Variants in MACROD2 observed in about 807,000 individuals in gnomAD.
The protein encoded by MACROD2 is mono-ADP ribosylhydrolase 2.
In MACROD2, 36 loss-of-function variants were observed where a neutral mutation model predicts 70.4. That is an observed-to-expected ratio of 0.51 (90% CI 0.39 to 0.68). MACROD2 has a LOEUF of 0.68. Ranked by LOEUF, MACROD2 falls within the 30% of genes least tolerant of loss-of-function variation. The probability of loss-of-function intolerance (pLI) is 0.00; values close to 1 mark genes in which losing one functional copy is unlikely to be tolerated. For synonymous variants in MACROD2, 172 were observed against 178.8 expected (o/e 0.96, Z 0.30); for missense variants, 496 against 538.4 (o/e 0.92, Z 0.78).
At chr20:15,057,030 A>G (rs1232577036) in intron 5 of MACROD2, among the ~76,000 whole-genome samples, 1 of 152,222 alleles carries the variant, frequency 6.6e-6, no homozygotes, top group Non-Finnish European at 1.5e-5. Flanking sequence ...TTGTCTCTGG[A>G]GAATTAAATG....
At chr20:14,652,076 A>G (rs1285078466) in intron 4 of MACROD2, among the ~76,000 whole-genome samples, 1 of 152,160 alleles carries the variant, frequency 6.6e-6, no homozygotes, top group African/African-American at 2.4e-5. Flanking sequence ...GAGATACCCA[A>G]CTAGGGTAGG....
chr20:15,920,235 G>T (rs534226581), intron 10 of MACROD2, among the ~76,000 whole-genome samples: 1 of 152,130 alleles, frequency 6.6e-6, no homozygotes, highest in African/African-American at 2.4e-5. Context: ...GAGATGACGG[G>T]GGTTAGAGTT....
chr20:15,262,181 T>A (rs1273450059), intron 6 of MACROD2, among the ~76,000 whole-genome samples: 1 of 151,880 alleles, frequency 6.6e-6, no homozygotes, highest in African/African-American at 2.4e-5. Flanking sequence ...CCATTAACCA[T>A]CCACACTTCC....
intron 5 of MACROD2, among the ~76,000 whole-genome samples, chr20:15,142,008 A>T (rs1471867091): frequency 1.3e-5 from 2 of 152,174 alleles, no homozygotes; most frequent in Non-Finnish European, 2.9e-5. Flanking sequence ...AGCATTGGCC[A>T]GTTCTCATAA....
At chr20:14,051,765 G>C (rs1469406275) in intron 2 of MACROD2, 1 of 448,226 alleles carries the variant, frequency 2.2e-6, no homozygotes, top group African/African-American at 2.0e-5. Flanking sequence ...GAATTGATTA[G>C]TATCAGAATA....
intron 2 of MACROD2, among the ~76,000 whole-genome samples, chr20:14,041,419 A>T (rs1016116676): frequency 2.0e-5 from 3 of 152,200 alleles, no homozygotes; most frequent in African/African-American, 7.2e-5. Context: ...CATTTTGAGG[A>T]CATAATTTCT....
intron 2 of MACROD2, among the ~76,000 whole-genome samples, chr20:14,082,354 A>AT (rs199540255): frequency 0.051 from 4,530 of 88,186 alleles, 134 homozygotes; most frequent in African/African-American, 0.12. Context: ...AATTTTTTGT[A>AT]TTTTTTTTTT....
chr20:15,098,160 G>C (rs1248605323), intron 5 of MACROD2, among the ~76,000 whole-genome samples: 1 of 152,128 alleles, frequency 6.6e-6, no homozygotes, highest in Non-Finnish European at 1.5e-5. Context: ...AGAGCCCCAT[G>C]CTTAGAAGGG....
chr20:15,832,962 G>A (rs1306825965), intron 8 of MACROD2, among the ~76,000 whole-genome samples: 1 of 152,188 alleles, frequency 6.6e-6, no homozygotes, highest in Non-Finnish European at 1.5e-5. Flanking sequence ...TTCTCTGATT[G>A]TTTTAACCAA....
At chr20:14,551,251 G>A (rs1978633685) in intron 4 of MACROD2, among the ~76,000 whole-genome samples, 1 of 152,136 alleles carries the variant, frequency 6.6e-6, no homozygotes, top group Non-Finnish European at 1.5e-5. Flanking sequence ...TTAATGCAGT[G>A]CATAGTTGTA....
In MACROD2 at chr20:15,730,988, C is replaced by G. The variant is rs1312140089; in HGVS notation, c.646-131757C>G. Among the ~76,000 whole-genome samples, 2 of 58,338 alleles carry G rather than the reference C, an allele frequency of 3.4e-5. 1 individual carries two copies. The highest frequency in any genetic ancestry group is 9.5e-5 in the African/African-American group (2 of 21,014). The allele number at this position is 58,338 out of a possible 152,430, so 38.3% of individuals were successfully genotyped here. A position where few individuals can be genotyped will look rare whatever the true frequency, so the allele number is the denominator to read the frequency against. On this transcript the variant is annotated intron_variant, in intron 8 of 17. Transcript: ENST00000684519. ...TGTTGTTAATATTTGTGGTTGTATT[C>G]TGAAACTCTTGAGGTGAGTTTTTCA...
chr20:14,917,048 G>A (rs2074100927), intron 5 of MACROD2, among the ~76,000 whole-genome samples: 1 of 151,824 alleles, frequency 6.6e-6, no homozygotes, highest in South Asian at 2.1e-4. Flanking sequence ...AGGAAGGGAA[G>A]TAATGCCTGC....
At chr20:15,211,424 C>G (rs1323294072) in intron 5 of MACROD2, among the ~76,000 whole-genome samples, 2 of 152,102 alleles carry the variant, frequency 1.3e-5, no homozygotes, top group African/African-American at 4.8e-5. Flanking sequence ...CCCTCCAGAT[C>G]TCATATTGAA....
chr20:14,359,975 G>A (rs908939818), intron 3 of MACROD2, among the ~76,000 whole-genome samples: 3 of 152,130 alleles, frequency 2.0e-5, no homozygotes, highest in East Asian at 1.9e-4. Context: ...CGTGGAGAAC[G>A]TTATCTTAAA....
At chr20:15,930,619 C>T (rs963576639) in intron 10 of MACROD2, among the ~76,000 whole-genome samples, 1 of 152,146 alleles carries the variant, frequency 6.6e-6, no homozygotes, top group Admixed American at 6.6e-5. Flanking sequence ...GATAAATGTG[C>T]CAAGTGTTTC....
At chr20:14,954,042 C>T (rs2074497612) in intron 5 of MACROD2, among the ~76,000 whole-genome samples, 1 of 152,008 alleles carries the variant, frequency 6.6e-6, no homozygotes, top group Admixed American at 6.6e-5. Flanking sequence ...TGCTGAAGTC[C>T]TCAATGTTCT....
chr20:15,468,648 C>T (rs2046926627), intron 7 of MACROD2, among the ~76,000 whole-genome samples: 1 of 152,200 alleles, frequency 6.6e-6, no homozygotes, highest in South Asian at 2.1e-4. Context: ...GTTCCACACA[C>T]TTTGCCTTTT....
intron 6 of MACROD2, among the ~76,000 whole-genome samples, chr20:15,332,496 A>G (rs2078003425): frequency 6.6e-6 from 1 of 151,664 alleles, no homozygotes; most frequent in South Asian, 2.1e-4. Context: ...TGATTAATTT[A>G]TAATTGATTT....
At chr20:15,685,979 C>G (rs187329122) in intron 8 of MACROD2, among the ~76,000 whole-genome samples, 1 of 152,236 alleles carries the variant, frequency 6.6e-6, no homozygotes, top group Admixed American at 6.5e-5. Flanking sequence ...TGCACAGTGC[C>G]TGGCACTTAT....
Sources: allele counts gnomAD v4.1 joint callset (sites outside exome capture counted in the v4.1 genomes callset), GRCh38; gene constraint gnomAD v4.1.1; transcripts MANE v1.5; gene names NCBI Gene and HGNC (gene_info 2026-07-23, HGNC 2026-07-21).